Variants in SNORD118 observed in about 807,000 individuals in gnomAD.
The protein encoded by SNORD118 is small nucleolar RNA, C/D box 118.
In SNORD118 at chr17:8,173,528, T is replaced by C. The variant is rs750457525; in HGVS notation, n.60A>G. ...TTAATCACGTTTCATGCATCTCCAATCATCATGTTCTAATCTGCCCTCCGG... is the reference window on the plus strand; with the variant it reads ...TTAATCACGTTTCATGCATCTCCAACCATCATGTTCTAATCTGCCCTCCGG... On this transcript the variant is annotated non_coding_transcript_exon_variant, in exon 1 of 1. Transcript: ENST00000363593. 2.5e-5 allele frequency: 19 copies of C among 765,282 alleles called. No homozygotes were observed. Among genetic ancestry groups the C allele is most frequent in the South Asian group, 6.7e-5 (5 of 74,622 alleles). The allele number at this position is 765,282 out of a possible 1,614,324, so 47.4% of individuals were successfully genotyped here. A position where few individuals can be genotyped will look rare whatever the true frequency, so the allele number is the denominator to read the frequency against.
chr17:8,173,485 C>G (rs201686383), exon 1 of SNORD118: 11 of 764,826 alleles, frequency 1.4e-5, no homozygotes, highest in East Asian at 7.3e-5. Context: ...TGTTGCAAGT[C>G]CTGATTACGC....
At position 8,173,487 on chromosome 17, in the gene SNORD118, T is replaced by C. The variant is rs199918636; in HGVS notation, n.101A>G. On this transcript the variant is annotated non_coding_transcript_exon_variant, in exon 1 of 1. Transcript: ENST00000363593. ...GGAGCAATCAGGGTGTTGCAAGTCC[T>C]GATTACGCAGAGACGTTAATCACGT... is the stretch of plus-strand genomic sequence containing the variant. 138 of 765,096 alleles carry C rather than the reference T, an allele frequency of 1.8e-4. No homozygotes were observed. Among genetic ancestry groups the C allele is most frequent in the Non-Finnish European group, 2.6e-4 (107 of 418,008 alleles). 47.4% of individuals were successfully genotyped at this position (765,096 alleles called of 1,614,324 possible).
exon 1 of SNORD118, chr17:8,173,568 A>T (rs762247263): frequency 1.3e-6 from 1 of 765,072 alleles, no homozygotes; most frequent in Admixed American, 1.7e-5. Context: ...GGAACAGGTA[A>T]GGATTATCCC....
exon 1 of SNORD118, chr17:8,173,504 T>TA (rs1270483358): frequency 1.0e-5 from 8 of 765,192 alleles, no homozygotes; most frequent in Admixed American, 3.4e-5. Context: ...GCAGAGACGT[T>TA]AATCACGTTT....
At chr17:8,173,497 G>GT (rs1555525578) in exon 1 of SNORD118, 8 of 765,148 alleles carry the variant, frequency 1.0e-5, no homozygotes, top group Non-Finnish European at 1.2e-5. Context: ...TGATTACGCA[G>GT]AGACGTTAAT....
chr17:8,173,516 A>T (rs754874209), exon 1 of SNORD118: 13 of 765,426 alleles, frequency 1.7e-5, no homozygotes, highest in Non-Finnish European at 3.1e-5. Context: ...ATCACGTTTC[A>T]TGCATCTCCA....
rs750367625 is a variant in SNORD118, at chr17:8,173,501, C to T, written n.87G>A. On this transcript the variant is annotated non_coding_transcript_exon_variant, in exon 1 of 1. Transcript: ENST00000363593. ...GTTGCAAGTCCTGATTACGCAGAGACGTTAATCACGTTTCATGCATCTCCA... is the reference window on the plus strand; with the variant it reads ...GTTGCAAGTCCTGATTACGCAGAGATGTTAATCACGTTTCATGCATCTCCA... 2.4e-5 allele frequency: 18 copies of T among 765,224 alleles called. No homozygotes were observed. The highest frequency in any genetic ancestry group is 1.0e-4 in the Admixed American group (6 of 59,022). 47.4% of individuals were successfully genotyped at this position (765,224 alleles called of 1,614,324 possible).
In SNORD118 at chr17:8,173,562, C is replaced by CA. The variant is rs1555525640; in HGVS notation, n.25dup. On this transcript the variant is annotated non_coding_transcript_exon_variant, in exon 1 of 1. Transcript: ENST00000363593. Reference sequence around the variant, plus strand: ...TCTAATCTGCCCTCCGGAGGAGGAACAGGTAAGGATTATCCCACCTGACGA... The same window carrying CA: ...TCTAATCTGCCCTCCGGAGGAGGAACAAGGTAAGGATTATCCCACCTGACGA... 1 of 765,190 alleles carries CA rather than the reference C, an allele frequency of 1.3e-6. No homozygotes were observed. Among genetic ancestry groups the CA allele is most frequent in the South Asian group, 1.3e-5 (1 of 74,606 alleles). The allele number at this position is 765,190 out of a possible 1,614,324, so 47.4% of individuals were successfully genotyped here. A position where few individuals can be genotyped will look rare whatever the true frequency, so the allele number is the denominator to read the frequency against.
At chr17:8,173,585 C>G (rs199964184) in exon 1 of SNORD118, 17 of 763,924 alleles carry the variant, frequency 2.2e-5, no homozygotes, top group Admixed American at 6.8e-5. Context: ...TCCCACCTGA[C>G]GATACAGACA....
rs117057308 is a variant in SNORD118, at chr17:8,173,555, G to C, written n.33C>G. Reference sequence around the variant, plus strand: ...ATCATGTTCTAATCTGCCCTCCGGAGGAGGAACAGGTAAGGATTATCCCAC... The same window carrying C: ...ATCATGTTCTAATCTGCCCTCCGGACGAGGAACAGGTAAGGATTATCCCAC... On this transcript the variant is annotated non_coding_transcript_exon_variant, in exon 1 of 1. Coordinates refer to ENST00000363593, the Ensembl canonical transcript of SNORD118. The C allele has an allele frequency of 1.3e-5, 10 of 765,244 alleles. No individual in the cohort carries two copies. Among genetic ancestry groups the C allele is most frequent in the East Asian group, 4.8e-5 (2 of 41,258 alleles). The allele number at this position is 765,244 out of a possible 1,614,324, so 47.4% of individuals were successfully genotyped here. A position where few individuals can be genotyped will look rare whatever the true frequency, so the allele number is the denominator to read the frequency against.
chr17:8,173,554 A>AT (rs755735189), exon 1 of SNORD118: 17 of 765,242 alleles, frequency 2.2e-5, no homozygotes, highest in Non-Finnish European at 4.1e-5. Context: ...TGCCCTCCGG[A>AT]GGAGGAACAG....
At chr17:8,173,505 A>G (rs1052538151) in exon 1 of SNORD118, 5 of 765,186 alleles carry the variant, frequency 6.5e-6, no homozygotes, top group Non-Finnish European at 7.2e-6. Flanking sequence ...CAGAGACGTT[A>G]ATCACGTTTC....
exon 1 of SNORD118, chr17:8,173,484 T>TGATTACGCAGGGTGTTGCAAGA: frequency 1.3e-6 from 1 of 764,132 alleles, no homozygotes; most frequent in African/African-American, 1.7e-5. Context: ...GTGTTGCAAG[T>TGATTACGCAGGGTGTTGCAAGA]CCTGATTACG....
At chr17:8,173,554 AG>A in exon 1 of SNORD118, 1 of 765,360 alleles carries the variant, frequency 1.3e-6, no homozygotes, top group Non-Finnish European at 2.4e-6. Context: ...TGCCCTCCGG[AG>A]GAGGAACAGG....
downstream of SNORD118, chr17:8,173,452 G>A (rs117595965): frequency 5.6e-3 from 4,284 of 762,922 alleles, 26 homozygotes; most frequent in Non-Finnish European, 7.4e-3. Context: ...TCGTCAGAAA[G>A]AATCAGACAG....
In SNORD118 at chr17:8,173,541, A is replaced by C. The variant is rs201264521; in HGVS notation, n.47T>G. ...ATGCATCTCCAATCATCATGTTCTA[A>C]TCTGCCCTCCGGAGGAGGAACAGGT... On this transcript the variant is annotated non_coding_transcript_exon_variant, in exon 1 of 1. Transcript: ENST00000363593. 3.4e-5 allele frequency: 26 copies of C among 765,338 alleles called. No homozygotes were observed. Among genetic ancestry groups the C allele is most frequent in the Admixed American group, 2.2e-4 (13 of 59,010 alleles). 47.4% of individuals were successfully genotyped at this position (765,338 alleles called of 1,614,324 possible). A position where few individuals can be genotyped will look rare whatever the true frequency, so the allele number is the denominator to read the frequency against.
chr17:8,173,470 C>T, exon 1 of SNORD118: 4 of 764,528 alleles, frequency 5.2e-6, no homozygotes, highest in South Asian at 1.3e-5. Context: ...CAGGAGCAAT[C>T]AGGGTGTTGC....
chr17:8,173,537 T>A (rs146092673), exon 1 of SNORD118: 4 of 765,428 alleles, frequency 5.2e-6, no homozygotes, highest in East Asian at 4.8e-5. Flanking sequence ...ATCATCATGT[T>A]CTAATCTGCC....
exon 1 of SNORD118, chr17:8,173,526 A>T: frequency 1.3e-6 from 1 of 765,428 alleles, no homozygotes; most frequent in Non-Finnish European, 2.4e-6. Context: ...ATGCATCTCC[A>T]ATCATCATGT....
Sources: gnomAD v4.1 joint callset for allele counts on GRCh38, gnomAD v4.1.1 for gene constraint, MANE v1.5 for transcripts, NCBI Gene and HGNC (gene_info 2026-07-23, HGNC 2026-07-21) for gene names.